The following GLRA2 variants were observed in gnomAD, a reference collection of about 807,000 sequenced individuals.
GLRA2 encodes the protein glycine receptor alpha 2, also known as glycine receptor subunit alpha-2.
A neutral mutation model predicts 31.6 loss-of-function variants in GLRA2; 11 were observed. The ratio of observed to expected loss-of-function variants is 0.35; its 90% CI spans 0.22 to 0.58. GLRA2 has a LOEUF of 0.58. Ranked by LOEUF, GLRA2 falls within the 20% of genes least tolerant of loss-of-function variation. The pLI, the probability that GLRA2 is intolerant of heterozygous loss-of-function variation, is 0.84. For synonymous variants in GLRA2, 132 were observed against 134.0 expected (o/e 0.99, Z 0.10); for missense variants, 212 against 351.8 (o/e 0.60, Z 3.18).
intron 7 of GLRA2, among the ~76,000 whole-genome samples, chrX:14,613,657 T>C (rs913764800): frequency 9.0e-6 from 1 of 111,488 alleles, no homozygotes; most frequent in Non-Finnish European, 1.9e-5. Flanking sequence ...ATTTTCGTAT[T>C]TGCAAAGATC....
chrX:14,687,069 G>A (rs1474070452), intron 7 of GLRA2, among the ~76,000 whole-genome samples: 1 of 111,872 alleles, frequency 8.9e-6, no homozygotes, highest in Admixed American at 9.5e-5. Flanking sequence ...ATGAAGCTTA[G>A]TTTGGCTGGA....
chrX:14,524,334 A>C (rs540374948), upstream of GLRA2, among the ~76,000 whole-genome samples: 1 of 111,958 alleles, frequency 8.9e-6, no homozygotes, highest in East Asian at 2.8e-4. Flanking sequence ...CTTCTCATCT[A>C]GAAATCTATT....
At chrX:14,482,984 C>T in the GLRA2 span, among the ~76,000 whole-genome samples, 2 of 111,650 alleles carry the variant, frequency 1.8e-5, no homozygotes, top group Non-Finnish European at 3.8e-5. Context: ...TTTGCTATTA[C>T]AGAGTCAGCA....
At chrX:14,509,408 G>A in the GLRA2 span, among the ~76,000 whole-genome samples, 5 of 112,586 alleles carry the variant, frequency 4.4e-5, no homozygotes, top group African/African-American at 1.3e-4. Flanking sequence ...CCAAGAAAAC[G>A]GACCACCTTT....
chrX:14,590,722 A>G (rs752091878), intron 4 of GLRA2, among the ~76,000 whole-genome samples: 2 of 112,286 alleles, frequency 1.8e-5, no homozygotes, highest in Non-Finnish European at 3.8e-5. Context: ...TTTATGTTCT[A>G]TAATCCAGGC....
chrX:14,626,537 A>T (rs1045717102), intron 7 of GLRA2, among the ~76,000 whole-genome samples: 3 of 111,908 alleles, frequency 2.7e-5, no homozygotes, highest in Admixed American at 9.5e-5. Context: ...GTTGACAAGC[A>T]CATTCCTCCT....
intron 3 of GLRA2, 123 bp from the exon 4 acceptor site, chrX:14,581,060 T>C: frequency 2.0e-6 from 1 of 495,418 alleles, no homozygotes; most frequent in South Asian, 2.8e-5. Flanking sequence ...GACCAAGGTA[T>C]ACACAGTTTG....
At chrX:14,668,575 C>T (rs1000593880) in intron 7 of GLRA2, among the ~76,000 whole-genome samples, 1 of 112,606 alleles carries the variant, frequency 8.9e-6, no homozygotes, top group African/African-American at 3.2e-5. Context: ...AATTGACTTA[C>T]AGTTCCATGT....
intron 1 of GLRA2, chrX:14,531,188 T>TG (rs1448456914): frequency 1.1e-6 from 1 of 901,771 alleles, no homozygotes; most frequent in East Asian, 7.7e-5. Context: ...TGTGAGTATT[T>TG]ATGCATGCTC....
the GLRA2 span, among the ~76,000 whole-genome samples, chrX:14,485,833 T>C: frequency 9.0e-6 from 1 of 111,631 alleles, no homozygotes; most frequent in Admixed American, 9.5e-5. Flanking sequence ...ATAAGTCAGA[T>C]CATGTAGCTC....
At chrX:14,464,771 G>T in the GLRA2 span, among the ~76,000 whole-genome samples, 1 of 111,014 alleles carries the variant, frequency 9.0e-6, no homozygotes, top group African/African-American at 3.3e-5. Context: ...TAGCCAGGAT[G>T]GTCTCGATCT....
At chrX:14,535,583 T>C (rs1407525582) in intron 2 of GLRA2, among the ~76,000 whole-genome samples, 1 of 112,474 alleles carries the variant, frequency 8.9e-6, no homozygotes, top group African/African-American at 3.2e-5. Flanking sequence ...ATAAGATCCA[T>C]AGAGACGTGT....
chrX:14,717,928 G>C (rs1417492811), intron 8 of GLRA2, among the ~76,000 whole-genome samples: 2 of 111,166 alleles, frequency 1.8e-5, no homozygotes, highest in African/African-American at 6.5e-5. Flanking sequence ...ACAGAGGAGA[G>C]ATAGGCTGAT....
intron 2 of GLRA2, among the ~76,000 whole-genome samples, chrX:14,547,082 TA>T (rs2089492354): frequency 9.0e-6 from 1 of 111,602 alleles, no homozygotes; most frequent in African/African-American, 3.3e-5. Context: ...ATGACACCTT[TA>T]AAAAATATTA....
chrX:14,517,482 C>G, the GLRA2 span, among the ~76,000 whole-genome samples: 2 of 111,693 alleles, frequency 1.8e-5, no homozygotes, highest in Admixed American at 1.9e-4. Context: ...TCTTTCTTCA[C>G]ATGGTGGCAG....
At chrX:14,666,209 T>C (rs774721658) in intron 7 of GLRA2, among the ~76,000 whole-genome samples, 4 of 111,898 alleles carry the variant, frequency 3.6e-5, no homozygotes, top group Non-Finnish European at 7.5e-5. Flanking sequence ...AACAAATGTT[T>C]ATGGTAAAAA....
chrX:14,724,833 C>T (rs1304122555), intron 8 of GLRA2, among the ~76,000 whole-genome samples: 1 of 111,011 alleles, frequency 9.0e-6, no homozygotes, highest in East Asian at 2.8e-4. Context: ...CATTTCAGCA[C>T]ATGTCATTAA....
At chrX:14,457,182 T>C in the GLRA2 span, among the ~76,000 whole-genome samples, 1 of 111,998 alleles carries the variant, frequency 8.9e-6, no homozygotes, top group East Asian at 2.8e-4. Flanking sequence ...TTGAAAAATG[T>C]CTGTTAAGAT....
chrX:14,550,942 T>C (rs1431091752), intron 2 of GLRA2, among the ~76,000 whole-genome samples: 3 of 112,006 alleles, frequency 2.7e-5, no homozygotes, highest in African/African-American at 6.5e-5. Context: ...ACCATTTTCA[T>C]TGTAGGAACT....
Sources: gnomAD v4.1 joint callset for allele counts (sites outside exome capture counted in the v4.1 genomes callset) on GRCh38, gnomAD v4.1.1 for gene constraint, MANE v1.5 for transcripts, NCBI Gene and HGNC (gene_info 2026-07-23, HGNC 2026-07-21) for gene names.